Variants in HDAC4 observed in about 807,000 individuals in gnomAD.
The protein encoded by HDAC4 is histone deacetylase 4.
HDAC4 carries 16 observed loss-of-function variants against 135.1 expected under a neutral mutation model. That is an observed-to-expected ratio of 0.12 (90% CI 0.08 to 0.18). The LOEUF (loss-of-function observed/expected upper bound fraction) is 0.18, where lower values mean the gene tolerates loss of function less well. Ranked by LOEUF, HDAC4 falls within the 10% of genes least tolerant of loss-of-function variation. The pLI, the probability that HDAC4 is intolerant of heterozygous loss-of-function variation, is 1.00. For synonymous variants in HDAC4, 685 were observed against 653.4 expected (o/e 1.05, Z -0.74); for missense variants, 1,143 against 1,511.8 (o/e 0.76, Z 4.05).
At chr2:239,359,885 C>T (rs1575747503) in intron 1 of HDAC4, among the ~76,000 whole-genome samples, 2 of 152,178 alleles carry the variant, frequency 1.3e-5, no homozygotes, top group East Asian at 3.9e-4. Context: ...AGTCTATGAA[C>T]CCTTCTTTCT....
At chr2:239,244,896 G>A (rs923489522) in intron 2 of HDAC4, among the ~76,000 whole-genome samples, 3 of 152,104 alleles carry the variant, frequency 2.0e-5, no homozygotes, top group African/African-American at 4.8e-5. Context: ...CCACCCAACC[G>A]GCCCTCCCTG....
Position 239,298,466 on chromosome 2 carries a change from C to T in HDAC4, c.22+54212G>A, listed in dbSNP as rs2052045671. 5.3e-6 allele frequency: 6 copies of T among 1,133,092 alleles called. No individual in the cohort carries two copies. The South Asian group carries it at 8.2e-5, about 15-fold the overall frequency. The allele number at this position is 1,133,092 out of a possible 1,614,324, so 70.2% of individuals were successfully genotyped here. On this transcript the variant is annotated intron_variant, in intron 2 of 26. Transcript: ENST00000543185. ...GTGGATACTCTAGGGTCCCAGCAAC[C>T]CCAGCTATTACAATCACACTGTCAC...
Position 239,105,298 on chromosome 2 carries a change from A to G in HDAC4, c.2113-2402T>C, listed in dbSNP as rs541614478. On this transcript the variant is annotated intron_variant, in intron 15 of 26. Transcript: ENST00000543185. ...CCCACTTCTCCTCTCCTTCCTGGACACCGTGCCTGGAGGCAGGACAAACCA... is the reference window on the plus strand; with the variant it reads ...CCCACTTCTCCTCTCCTTCCTGGACGCCGTGCCTGGAGGCAGGACAAACCA... Among the ~76,000 whole-genome samples the G allele has an allele frequency of 1.7e-3, 262 of 152,286 alleles. 1 individual carries two copies. The highest frequency in any genetic ancestry group is 5.8e-3 in the African/African-American group (241 of 41,556).
intron 3 of HDAC4, among the ~76,000 whole-genome samples, chr2:239,211,413 C>T (rs898246798): frequency 1.3e-5 from 2 of 152,252 alleles, no homozygotes; most frequent in South Asian, 4.2e-4. Context: ...CGGTGATGGT[C>T]CCCAGGGTGG....
chr2:239,298,327 G>C, intron 2 of HDAC4: 1 of 1,225,496 alleles, frequency 8.2e-7, no homozygotes, highest in South Asian at 1.4e-5. Context: ...GGCATCACGT[G>C]GAGATGAGAG....
At position 239,306,834 on chromosome 2, in the gene HDAC4, C is replaced by A. The variant is rs977643447; in HGVS notation, c.22+45844G>T. 6.6e-6 allele frequency among the ~76,000 whole-genome samples: 1 copy of A among 152,082 alleles called. No homozygotes were observed. The highest frequency in any genetic ancestry group is 2.4e-5 in the African/African-American group (1 of 41,420). On this transcript the variant is annotated intron_variant, in intron 2 of 26. Coordinates refer to ENST00000543185, the MANE Select transcript of HDAC4 (RefSeq NM_001378414.1). The surrounding 1 kb of genome is among the most constrained non-coding windows in gnomAD (Gnocchi z 4.5). ...TGGTTTCCCACACACCCCCGAGGAG[C>A]CAGACAGGATCGAGAGAACCTTCTG...
intron 11 of HDAC4, among the ~76,000 whole-genome samples, chr2:239,127,110 C>T (rs1187516366): frequency 6.6e-6 from 1 of 152,166 alleles, no homozygotes; most frequent in Non-Finnish European, 1.5e-5. Flanking sequence ...GGAAGGCTGC[C>T]ACGGTTCTGG....
intron 15 of HDAC4, among the ~76,000 whole-genome samples, chr2:239,107,009 C>T (rs1398461542): frequency 2.7e-5 from 4 of 149,934 alleles, no homozygotes; most frequent in African/African-American, 1.0e-4. Context: ...GGGCCTTGTG[C>T]GACCCTGCAC....
At chr2:239,219,744 G>A (rs9636379) in intron 3 of HDAC4, among the ~76,000 whole-genome samples, 21,721 of 152,102 alleles carry the variant, frequency 0.14, 1,646 homozygotes, top group East Asian at 0.23. Flanking sequence ...TCGAGATATC[G>A]GTATCACAAA....
intron 24 of HDAC4, among the ~76,000 whole-genome samples, chr2:239,057,263 TTTAA>T (rs2106449241): frequency 6.6e-6 from 1 of 152,334 alleles, no homozygotes; most frequent in South Asian, 2.1e-4. Flanking sequence ...TTTAATAAGT[TTTAA>T]TTGATTAGAT....
intron 2 of HDAC4, chr2:239,305,396 G>A (rs2052521200): frequency 1.3e-5 from 2 of 152,780 alleles, no homozygotes; most frequent in African/African-American, 4.8e-5. Flanking sequence ...GGCTAAGCCT[G>A]GTGCAAGTGG....
chr2:239,321,503 AT>A (rs1261693597), intron 2 of HDAC4, among the ~76,000 whole-genome samples: 2 of 146,064 alleles, frequency 1.4e-5, no homozygotes, highest in Non-Finnish European at 3.0e-5. Context: ...GTTAGCTTAC[AT>A]TTTTCTGTGT....
At chr2:239,239,658 G>A (rs1359766236) in intron 2 of HDAC4, among the ~76,000 whole-genome samples, 1 of 152,214 alleles carries the variant, frequency 6.6e-6, no homozygotes. Context: ...ACACAGAGAT[G>A]CTGCTTGTTC....
intron 20 of HDAC4, among the ~76,000 whole-genome samples, chr2:239,083,097 A>G (rs368843688): frequency 6.6e-6 from 1 of 152,232 alleles, no homozygotes; most frequent in South Asian, 2.1e-4. Context: ...ACGCACATGG[A>G]GGCTTTCCCG....
At chr2:239,378,607 C>T (rs1400500558) in intron 1 of HDAC4, among the ~76,000 whole-genome samples, 2 of 152,052 alleles carry the variant, frequency 1.3e-5, no homozygotes, top group Non-Finnish European at 2.9e-5. Context: ...TGGCCTGAAA[C>T]GGCCCCGGGA....
chr2:239,148,478 C>T (rs930715653), intron 7 of HDAC4, among the ~76,000 whole-genome samples: 16 of 152,172 alleles, frequency 1.1e-4, no homozygotes, highest in African/African-American at 2.4e-4. Flanking sequence ...CCCCCACCTG[C>T]GGGATCCCAA....
chr2:239,370,109 G>A (rs1182780599), intron 1 of HDAC4, among the ~76,000 whole-genome samples: 1 of 152,262 alleles, frequency 6.6e-6, no homozygotes, highest in Non-Finnish European at 1.5e-5. Context: ...CTGTGTCCCC[G>A]GGACTGGCAG....
intron 2 of HDAC4, among the ~76,000 whole-genome samples, chr2:239,336,549 C>T (rs950225): frequency 0.081 from 12,347 of 152,192 alleles, 1,088 homozygotes; most frequent in East Asian, 0.39. Context: ...ACTGTAAAAG[C>T]TAGGTGCTAA....
intron 2 of HDAC4, among the ~76,000 whole-genome samples, chr2:239,290,214 A>G (rs1439575790): frequency 6.6e-6 from 1 of 152,176 alleles, no homozygotes; most frequent in Non-Finnish European, 1.5e-5. Flanking sequence ...GTGCACTAAC[A>G]TTTTCCATGT....
Sources: gnomAD v4.1 joint callset for allele counts (sites outside exome capture counted in the v4.1 genomes callset) on GRCh38, gnomAD v4.1.1 for gene constraint, Gnocchi (gnomAD v3.1) non-coding constraint, MANE v1.5 for transcripts, NCBI Gene and HGNC (gene_info 2026-07-23, HGNC 2026-07-21) for gene names.